ANKMY1: variants seen among roughly 807,000 people sequenced by gnomAD.
ANKMY1 encodes ankyrin repeat and MYND domain-containing protein 1.
In ANKMY1, 98 loss-of-function variants were observed where a neutral mutation model predicts 102.0. That is an observed-to-expected ratio of 0.96 (90% CI 0.82 to 1.14). The LOEUF (loss-of-function observed/expected upper bound fraction) is 1.14. Ranked by LOEUF, ANKMY1 falls within the 50% of genes most tolerant of loss-of-function variation. The pLI, the probability that ANKMY1 is intolerant of heterozygous loss-of-function variation, is 0.00. For synonymous variants in ANKMY1, 582 were observed against 559.9 expected (o/e 1.04, Z -0.56); for missense variants, 1,330 against 1,347.6 (o/e 0.99, Z 0.20).
At chr2:240,493,469 A>G (rs2151950799) in intron 15 of ANKMY1, among the ~76,000 whole-genome samples, 1 of 151,742 alleles carries the variant, frequency 6.6e-6, no homozygotes, top group East Asian at 1.9e-4. Context: ...GCTTTTTCCT[A>G]TTTTTATTTT....
chr2:240,511,014 G>A (rs942300934), intron 11 of ANKMY1, among the ~76,000 whole-genome samples: 3 of 151,860 alleles, frequency 2.0e-5, no homozygotes, highest in Non-Finnish European at 1.5e-5. Context: ...AGGGCAGAGC[G>A]CCTGGCCCCA....
At chr2:240,538,064 T>C (rs2087342883) in intron 4 of ANKMY1, among the ~76,000 whole-genome samples, 1 of 152,244 alleles carries the variant, frequency 6.6e-6, no homozygotes, top group African/African-American at 2.4e-5. Context: ...TCAATTAAAC[T>C]CCTTTAAATT....
upstream of ANKMY1, among the ~76,000 whole-genome samples, chr2:240,558,858 G>A (rs778297906): frequency 5.9e-5 from 9 of 152,020 alleles, no homozygotes; most frequent in Non-Finnish European, 1.2e-4. Context: ...TTTACACCAC[G>A]ACCCAGTACA....
chr2:240,526,188 T>TA (rs767683942), intron 6 of ANKMY1, 41 bp downstream of exon 6: 2 of 1,611,920 alleles, frequency 1.2e-6, no homozygotes, highest in Non-Finnish European at 1.7e-6. Context: ...CCCTCACAGC[T>TA]AAGCTCCTGC....
chr2:240,507,178 C>T (rs886106199), intron 13 of ANKMY1, among the ~76,000 whole-genome samples: 1 of 151,998 alleles, frequency 6.6e-6, no homozygotes, highest in Admixed American at 6.6e-5. Context: ...AATATTTTGT[C>T]CTTTCTCCAC....
Position 240,532,113 on chromosome 2 carries a change from C to G in ANKMY1, c.481-2604G>C, listed in dbSNP as rs770352768. On this transcript the variant is annotated intron_variant, in intron 4 of 17. Transcript: ENST00000401804. Reference sequence around the variant, plus strand: ...AACAGTTGAGAATTTTCCAGATCCACAAATGGAAACATCACATTGAAACTG... The same window carrying G: ...AACAGTTGAGAATTTTCCAGATCCAGAAATGGAAACATCACATTGAAACTG... 6 of 468,166 alleles carry G rather than the reference C, an allele frequency of 1.3e-5. No homozygotes were observed. In the East Asian group the frequency reaches 4.2e-4, roughly 33 times the overall value. 29.0% of individuals were successfully genotyped at this position (468,166 alleles called of 1,614,324 possible). A position where few individuals can be genotyped will look rare whatever the true frequency, so the allele number is the denominator to read the frequency against.
intron 9 of ANKMY1, among the ~76,000 whole-genome samples, chr2:240,514,856 T>C (rs930511838): frequency 3.3e-5 from 5 of 152,128 alleles, no homozygotes; most frequent in African/African-American, 7.2e-5. Flanking sequence ...GAACCTGCCC[T>C]GCCCTCTGCC....
intron 5 of ANKMY1, chr2:240,526,784 G>A (rs1481724639): frequency 8.1e-7 from 1 of 1,241,950 alleles, no homozygotes; most frequent in Non-Finnish European, 1.0e-6. Flanking sequence ...CCCTGGGTAG[G>A]ATGGAGACCA....
chr2:240,514,817 C>A (rs2080892560), intron 9 of ANKMY1, among the ~76,000 whole-genome samples: 1 of 152,250 alleles, frequency 6.6e-6, no homozygotes, highest in Admixed American at 6.5e-5. Context: ...CCGAGAGTCC[C>A]ATTCCTCCTG....
intron 2 of ANKMY1, among the ~76,000 whole-genome samples, chr2:240,556,667 T>C (rs12466834): frequency 6.6e-6 from 1 of 152,156 alleles, no homozygotes; most frequent in African/African-American, 2.4e-5. Flanking sequence ...ACCTTTCAAT[T>C]CTTAACCTGT....
the ANKMY1 span, among the ~76,000 whole-genome samples, chr2:240,471,194 G>C: frequency 6.6e-6 from 1 of 151,790 alleles, no homozygotes; most frequent in South Asian, 2.1e-4. Context: ...TAGAGGGTTT[G>C]TCCACAGTGA....
At chr2:240,486,492 T>C (rs1245342120) in intron 15 of ANKMY1, among the ~76,000 whole-genome samples, 2 of 152,258 alleles carry the variant, frequency 1.3e-5, no homozygotes, top group African/African-American at 2.4e-5. Context: ...AATTCCTACC[T>C]TAAGTTACTT....
At position 240,533,718 on chromosome 2, in the gene ANKMY1, A is replaced by AACACACACACAC. The variant is rs34916770; in HGVS notation, c.481-4221_481-4210dup. ...ACAATTATTGGGCTGGATTTCAATA[A>AACACACACACAC]ACACACACACACACACACACACACA... On this transcript the variant is annotated intron_variant, in intron 4 of 17. Transcript: ENST00000401804. Among the ~76,000 whole-genome samples, 19 of 145,634 alleles carry AACACACACACAC rather than the reference A, an allele frequency of 1.3e-4. 1 individual carries two copies. In the East Asian group the frequency reaches 1.9e-3, roughly 14 times the overall value.
At chr2:240,555,180 G>A (rs950119716) in intron 2 of ANKMY1, 125 bp from the exon 3 acceptor site, 34 of 988,892 alleles carry the variant, frequency 3.4e-5, no homozygotes, top group East Asian at 3.3e-4. Context: ...GGCAGGTGCC[G>A]CTGCATCCCC....
In ANKMY1 at chr2:240,528,148, G is replaced by A. The variant is rs959671538; in HGVS notation, c.953+889C>T. On this transcript the variant is annotated intron_variant, in intron 5 of 17. Coordinates refer to ENST00000401804, the MANE Select transcript of ANKMY1 (RefSeq NM_001282771.3). Reference sequence around the variant, plus strand: ...CTAAAAATACAAAAATTAGCTGGGCGTGGTGGCAGGCACCTGTAATCCCAG... The same window carrying A: ...CTAAAAATACAAAAATTAGCTGGGCATGGTGGCAGGCACCTGTAATCCCAG... Among the ~76,000 whole-genome samples, 3 of 152,006 alleles carry A rather than the reference G, an allele frequency of 2.0e-5. 1 individual carries two copies. The highest frequency in any genetic ancestry group is 4.2e-4 in the South Asian group (2 of 4,808).
At chr2:240,537,203 C>A (rs2087003000) in intron 4 of ANKMY1, among the ~76,000 whole-genome samples, 1 of 152,164 alleles carries the variant, frequency 6.6e-6, no homozygotes, top group African/African-American at 2.4e-5. Flanking sequence ...CAGCCAGGCC[C>A]AGGGTAATTG....
intron 15 of ANKMY1, among the ~76,000 whole-genome samples, chr2:240,497,997 C>T (rs1321186403): frequency 6.6e-6 from 1 of 152,232 alleles, no homozygotes; most frequent in Non-Finnish European, 1.5e-5. Flanking sequence ...ACCCCAGTAT[C>T]CTCAGGGGTG....
At chr2:240,483,107 C>G (rs1430241688) in intron 15 of ANKMY1, among the ~76,000 whole-genome samples, 1 of 152,112 alleles carries the variant, frequency 6.6e-6, no homozygotes, top group Admixed American at 6.6e-5. Flanking sequence ...CTTGTGATTG[C>G]TGTTCCCATG....
At chr2:240,509,996 T>TTGTGCCTCCCTGTCCTC (rs2079838897) in intron 11 of ANKMY1, among the ~76,000 whole-genome samples, 1 of 131,688 alleles carries the variant, frequency 7.6e-6, no homozygotes, top group African/African-American at 2.9e-5. Flanking sequence ...TCCCTGCCCT[T>TTGTGCCTCCCTGTCCTC]TGTGCCTCCC....
Sources: gnomAD v4.1 joint callset for allele counts (sites outside exome capture counted in the v4.1 genomes callset) on GRCh38, gnomAD v4.1.1 for gene constraint, MANE v1.5 for transcripts, NCBI Gene and HGNC (gene_info 2026-07-23, HGNC 2026-07-21) for gene names.